ACYP2: variants seen among roughly 807,000 people sequenced by gnomAD.
ACYP2 encodes the protein acylphosphatase 2, also known as acylphosphatase-2.
A neutral mutation model predicts 11.2 loss-of-function variants in ACYP2; 12 were observed. That is an observed-to-expected ratio of 1.08 (90% CI 0.69 to 1.74). The LOEUF (loss-of-function observed/expected upper bound fraction) is 1.74. Among genes scored for constraint, ACYP2 ranks in the 40% most tolerant of loss-of-function variants. The probability of loss-of-function intolerance (pLI) is 0.00; values close to 1 mark genes in which losing one functional copy is unlikely to be tolerated. For missense variants in ACYP2, 134 were observed against 101.9 expected (o/e 1.31, Z -1.35); for synonymous variants, 43 against 32.2 (o/e 1.33, Z -1.13).
chr2:53,990,494 C>G (rs1672235197), intron 2 of ACYP2, among the ~76,000 whole-genome samples: 1 of 150,768 alleles, frequency 6.6e-6, no homozygotes, highest in Non-Finnish European at 1.5e-5. Flanking sequence ...ACTAAATATA[C>G]AAAAATTAGC....
intron 4 of ACYP2, among the ~76,000 whole-genome samples, chr2:54,058,826 G>C (rs988427141): frequency 6.6e-6 from 1 of 152,018 alleles, no homozygotes; most frequent in Non-Finnish European, 1.5e-5. Flanking sequence ...CTGTGTGAGG[G>C]AGAAGTTTTA....
intron 6 of ACYP2, among the ~76,000 whole-genome samples, chr2:54,220,236 T>C (rs1343912841): frequency 2.0e-5 from 3 of 152,164 alleles, no homozygotes; most frequent in Non-Finnish European, 2.9e-5. Context: ...ATTTTAAATA[T>C]TGTATCAGCA....
intron 6 of ACYP2, among the ~76,000 whole-genome samples, chr2:54,233,216 T>C (rs750198646): frequency 2.6e-5 from 4 of 152,148 alleles, no homozygotes; most frequent in Non-Finnish European, 4.4e-5. Flanking sequence ...ATTTAAAGTA[T>C]ATAGTTTGAT....
At chr2:54,048,691 T>G (rs1364386468) in intron 2 of ACYP2, among the ~76,000 whole-genome samples, 1 of 152,164 alleles carries the variant, frequency 6.6e-6, no homozygotes, top group East Asian at 1.9e-4. Flanking sequence ...TATAGTTCAG[T>G]AGTATTAAAT....
Position 54,275,016 on chromosome 2 carries a change from A to G in ACYP2, c.405-29672A>G, listed in dbSNP as rs562617184. ...GAGATGGTCCTGAATTAACTAGACC[A>G]TGTTTCAGGCTTCTGAATATTATTT... On this transcript the variant is annotated intron_variant, in intron 6 of 6. Transcript: ENST00000607452. Among the ~76,000 whole-genome samples the G allele has an allele frequency of 3.3e-5, 5 of 152,352 alleles. 1 individual carries two copies. The highest frequency in any genetic ancestry group is 3.3e-4 in the Admixed American group (5 of 15,298).
intron 2 of ACYP2, among the ~76,000 whole-genome samples, chr2:54,003,855 G>A (rs137934445): frequency 1.3e-5 from 2 of 152,242 alleles, no homozygotes; most frequent in Non-Finnish European, 2.9e-5. Context: ...ATTCCTACTA[G>A]CAACAATGAG....
intron 6 of ACYP2, among the ~76,000 whole-genome samples, chr2:54,143,933 T>A (rs1002457515): frequency 3.1e-4 from 47 of 152,252 alleles, no homozygotes; most frequent in African/African-American, 1.1e-3. Context: ...TTCTCAATGT[T>A]GACCTTTAAC....
At chr2:54,139,537 T>G (rs1681479862) in intron 6 of ACYP2, among the ~76,000 whole-genome samples, 1 of 152,218 alleles carries the variant, frequency 6.6e-6, no homozygotes, top group Admixed American at 6.5e-5. Context: ...TCTTTTAAAT[T>G]AAAAAATAGC....
intron 6 of ACYP2, among the ~76,000 whole-genome samples, chr2:54,277,737 A>T (rs1688665947): frequency 6.6e-6 from 1 of 152,216 alleles, no homozygotes; most frequent in Admixed American, 6.5e-5. Flanking sequence ...CTAGATAATC[A>T]TAGGCACAAA....
chr2:54,218,231 C>A (rs1463227266), intron 6 of ACYP2, among the ~76,000 whole-genome samples: 1 of 152,194 alleles, frequency 6.6e-6, no homozygotes, highest in African/African-American at 2.4e-5. Flanking sequence ...ACATTGTCTT[C>A]TTCCTATTTG....
chr2:54,232,318 C>T lies in ACYP2; in HGVS notation c.405-72370C>T, dbSNP rs975451547. On this transcript the variant is annotated intron_variant, in intron 6 of 6. Coordinates refer to ENST00000607452, the MANE Select transcript of ACYP2 (RefSeq NM_001320586.2). ...GAGTTGCTGTTTTCCCAGAAAGAAGCTCTTGGCTTCCTTCGACAGGACCAG... is the reference window on the plus strand; with the variant it reads ...GAGTTGCTGTTTTCCCAGAAAGAAGTTCTTGGCTTCCTTCGACAGGACCAG... Among the ~76,000 whole-genome samples the T allele has an allele frequency of 2.8e-4, 43 of 152,250 alleles. 1 individual carries two copies. In the Middle Eastern group the frequency reaches 0.01, roughly 36 times the overall value.
chr2:54,057,017 T>A (rs1676189293), intron 3 of ACYP2, among the ~76,000 whole-genome samples: 1 of 152,206 alleles, frequency 6.6e-6, no homozygotes, highest in African/African-American at 2.4e-5. Flanking sequence ...TGCAAAACTA[T>A]GTGAAAATTA....
At chr2:54,115,204 G>T (rs1051285037) in intron 4 of ACYP2, among the ~76,000 whole-genome samples, 5 of 152,006 alleles carry the variant, frequency 3.3e-5, no homozygotes, top group African/African-American at 1.2e-4. Flanking sequence ...ATTAAAAAAT[G>T]GTGCAATGGA....
intron 6 of ACYP2, among the ~76,000 whole-genome samples, chr2:54,266,588 A>ATTT (rs1558655792): frequency 2.2e-5 from 2 of 91,138 alleles, no homozygotes; most frequent in African/African-American, 8.8e-5. Flanking sequence ...ATATCTATCT[A>ATTT]TCTTTTTTTT....
At chr2:54,175,832 T>C (rs767263327) in intron 6 of ACYP2, among the ~76,000 whole-genome samples, 51 of 152,186 alleles carry the variant, frequency 3.4e-4, no homozygotes, top group Non-Finnish European at 6.0e-4. Flanking sequence ...AATGTTTGTA[T>C]CCCTCCAAAA....
At chr2:54,144,952 G>A (rs1010017342) in intron 6 of ACYP2, among the ~76,000 whole-genome samples, 35 of 151,918 alleles carry the variant, frequency 2.3e-4, no homozygotes, top group African/African-American at 7.3e-4. Flanking sequence ...CCTAGTTGCC[G>A]TTGTTTTTAG....
At chr2:54,078,604 C>CTTT (rs11326614) in intron 4 of ACYP2, among the ~76,000 whole-genome samples, 1 of 141,356 alleles carries the variant, frequency 7.1e-6, no homozygotes, top group African/African-American at 2.6e-5. Flanking sequence ...TCTCAATAAG[C>CTTT]TTTTTTTTTT....
intron 2 of ACYP2, among the ~76,000 whole-genome samples, chr2:53,997,717 T>A (rs998842312): frequency 6.6e-6 from 1 of 152,116 alleles, no homozygotes; most frequent in Non-Finnish European, 1.5e-5. Flanking sequence ...TAGCAACTAC[T>A]CCATGACTGA....
At chr2:54,131,132 A>G (rs1380450331) in intron 4 of ACYP2, among the ~76,000 whole-genome samples, 3 of 152,236 alleles carry the variant, frequency 2.0e-5, no homozygotes. Flanking sequence ...CAATTGAAAA[A>G]TGTTTGTTAA....
Sources: gnomAD v4.1 joint callset for allele counts (sites outside exome capture counted in the v4.1 genomes callset) on GRCh38, gnomAD v4.1.1 for gene constraint, MANE v1.5 for transcripts, NCBI Gene and HGNC (gene_info 2026-07-23, HGNC 2026-07-21) for gene names.